The following LVRN variants were observed in gnomAD, a reference collection of about 807,000 sequenced individuals.
The protein encoded by LVRN is aminopeptidase Q.
LVRN carries 99 observed loss-of-function variants against 111.4 expected under a neutral mutation model. The observed-to-expected ratio is 0.89, with a 90% CI of 0.76 to 1.05. The LOEUF (loss-of-function observed/expected upper bound fraction) is 1.05, where lower values mean the gene tolerates loss of function less well. Among genes scored for constraint, LVRN ranks in the 50% least tolerant of loss-of-function variants. The pLI is 0.00. For missense variants in LVRN, 1,414 were observed against 1,206.8 expected (o/e 1.17, Z -2.54); for synonymous variants, 488 against 449.5 (o/e 1.09, Z -1.08).
intron 19 of LVRN, chr5:116,023,377 A>G (rs1348027752): frequency 1.3e-5 from 2 of 152,224 alleles, no homozygotes; most frequent in Non-Finnish European, 2.9e-5. Context: ...GGAGAGAAGC[A>G]TAGCTCCCCA....
intron 10 of LVRN, among the ~76,000 whole-genome samples, chr5:116,001,708 C>T (rs774132886): frequency 5.3e-5 from 8 of 152,090 alleles, no homozygotes; most frequent in African/African-American, 1.4e-4. Flanking sequence ...TGGATGCGTG[C>T]GTTTGTGTAT....
At chr5:115,998,254 G>T (rs1397337303) in intron 6 of LVRN, among the ~76,000 whole-genome samples, 22 of 151,882 alleles carry the variant, frequency 1.4e-4, no homozygotes, top group Non-Finnish European at 2.2e-4. Context: ...AAAATCATCT[G>T]TGGTTTGATT....
chr5:116,026,913 G>A lies in LVRN; in HGVS notation c.*795G>A, dbSNP rs1748880216. 6.6e-6 allele frequency: 1 copy of A among 152,210 alleles called. No individual in the cohort carries two copies. The allele number at this position is 152,210 out of a possible 1,614,324, so 9.4% of individuals were successfully genotyped here. On this transcript the variant is annotated 3_prime_UTR_variant, in exon 20 of 20. Transcript: ENST00000357872. Reference sequence around the variant, plus strand: ...ACACCCTTTCAGCCTAAGCGTACGAGTGAAAACAATGATGTCAAAAGACAA... The same window carrying A: ...ACACCCTTTCAGCCTAAGCGTACGAATGAAAACAATGATGTCAAAAGACAA...
intron 1 of LVRN, among the ~76,000 whole-genome samples, chr5:115,966,218 C>G (rs543082037): frequency 4.5e-4 from 68 of 152,314 alleles, no homozygotes; most frequent in Middle Eastern, 3.4e-3. Context: ...TTTATGCACT[C>G]ATACCACTCC....
intron 19 of LVRN, among the ~76,000 whole-genome samples, chr5:116,022,838 T>G (rs1748761004): frequency 6.6e-6 from 1 of 152,238 alleles, no homozygotes; most frequent in Non-Finnish European, 1.5e-5. Context: ...GATTAGCACA[T>G]GAGGCCCTTA....
rs368929791 is a variant in LVRN, at chr5:116,012,507, A to C, written c.2342+39A>C. The C allele has an allele frequency of 2.5e-6, 3 of 1,211,050 alleles. No individual in the cohort carries two copies. In the South Asian group the frequency reaches 4.2e-5, roughly 17 times the overall value. 75.0% of individuals were successfully genotyped at this position (1,211,050 alleles called of 1,614,324 possible). ...CAGAAGTGATAATTGAATAAAATGCATTCATATTAATAGGCTTCCAGAAGT... is the reference window on the plus strand; with the variant it reads ...CAGAAGTGATAATTGAATAAAATGCCTTCATATTAATAGGCTTCCAGAAGT... On this transcript the variant is annotated intron_variant, in intron 15 of 19. Coordinates refer to ENST00000357872, the MANE Select transcript of LVRN (RefSeq NM_173800.5).
intron 1 of LVRN, among the ~76,000 whole-genome samples, chr5:115,979,057 G>C (rs1436706168): frequency 6.6e-6 from 1 of 152,044 alleles, no homozygotes; most frequent in African/African-American, 2.4e-5. Flanking sequence ...GTATCTCAAA[G>C]CTCCTCCAGC....
chr5:115,962,775 A>T lies in LVRN; in HGVS notation c.158A>T (p.Asp53Val). Residue 53 changes from aspartate to valine, a missense_variant, in exon 1 of 20, where the codon GAC (aspartate) becomes GTC (valine). By Grantham distance (152) the Asp-to-Val change is radical. Transcript: ENST00000357872. ...VPPSELPGLR[D>V]LEAESSPPLR... ...CCGTCGGAGCTGCCTGGACTCAGGG[A>T]CTTGGAAGCCGAGTCTTCCCCTCCC... The T allele has an allele frequency of 4.3e-6, 7 of 1,610,828 alleles. No homozygotes were observed. Among genetic ancestry groups the T allele is most frequent in the Non-Finnish European group, 5.9e-6 (7 of 1,178,766 alleles).
chr5:116,015,928 C>A (rs903945357), intron 18 of LVRN, among the ~76,000 whole-genome samples, 163 bp downstream of exon 18: 5 of 152,218 alleles, frequency 3.3e-5, no homozygotes, highest in Non-Finnish European at 7.3e-5. Flanking sequence ...AGTCTCACTA[C>A]AAACTGCCTG....
chr5:115,981,237 C>T (rs1388800993), intron 1 of LVRN, among the ~76,000 whole-genome samples: 2 of 152,104 alleles, frequency 1.3e-5, no homozygotes, highest in African/African-American at 4.8e-5. Context: ...TGATATCATG[C>T]TGCTTTTATT....
At chr5:116,018,975 C>A (rs1748658635) in intron 18 of LVRN, among the ~76,000 whole-genome samples, 1 of 152,042 alleles carries the variant, frequency 6.6e-6, no homozygotes, top group Non-Finnish European at 1.5e-5. Context: ...CAGAGCCACA[C>A]ATTTACAGTC....
intron 19 of LVRN, chr5:116,023,514 C>T (rs1748800501): frequency 6.6e-6 from 1 of 152,106 alleles, no homozygotes; most frequent in Admixed American, 6.6e-5. Context: ...ATCACTGTGT[C>T]CAGGGAAGAT....
chr5:116,010,616 C>T (rs1030820819), intron 13 of LVRN, 125 bp from the exon 14 acceptor site: 10 of 1,002,624 alleles, frequency 1.0e-5, no homozygotes, highest in Admixed American at 2.1e-5. Flanking sequence ...TTTACCTTCT[C>T]GTTTCTTGAC....
At chr5:115,964,084 A>G (rs1753150407) in intron 1 of LVRN, among the ~76,000 whole-genome samples, 1 of 152,212 alleles carries the variant, frequency 6.6e-6, no homozygotes, top group Non-Finnish European at 1.5e-5. Context: ...GCCCCTGCAC[A>G]AGAATTGTCT....
At chr5:116,021,706 C>A (rs1748734228) in intron 18 of LVRN, 1 of 450,972 alleles carries the variant, frequency 2.2e-6, no homozygotes, top group African/African-American at 2.0e-5. Flanking sequence ...TTTAATGCAC[C>A]CAAAGTCTTT....
chr5:115,988,826 G>A (rs1747922941), intron 4 of LVRN, among the ~76,000 whole-genome samples: 1 of 152,166 alleles, frequency 6.6e-6, no homozygotes, highest in Non-Finnish European at 1.5e-5. Flanking sequence ...GGCAGCAGGA[G>A]CTCAGGCATG....
chr5:116,002,602 A>C (rs2112607026), intron 10 of LVRN, among the ~76,000 whole-genome samples: 1 of 152,328 alleles, frequency 6.6e-6, no homozygotes, highest in African/African-American at 2.4e-5. Flanking sequence ...CTAAGTTATA[A>C]AAGGAAGTAA....
At chr5:115,984,862 C>A (rs1057004182) in intron 3 of LVRN, among the ~76,000 whole-genome samples, 153 bp downstream of exon 3, 6 of 152,304 alleles carry the variant, frequency 3.9e-5, no homozygotes, top group African/African-American at 1.2e-4. Context: ...TGTGGCTTTG[C>A]AGAATGGGAC....
chr5:115,994,450 G>A (rs4921043), intron 6 of LVRN, among the ~76,000 whole-genome samples: 1 of 151,820 alleles, frequency 6.6e-6, no homozygotes, highest in Non-Finnish European at 1.5e-5. Context: ...TTTTTGTATT[G>A]TTTGTAGAGA....
Sources: allele counts gnomAD v4.1 joint callset (sites outside exome capture counted in the v4.1 genomes callset), GRCh38; gene constraint gnomAD v4.1.1; transcripts MANE v1.5; gene names NCBI Gene and HGNC (gene_info 2026-07-23, HGNC 2026-07-21).